U2AF1L4: variants seen among roughly 807,000 people sequenced by gnomAD.
U2AF1L4 encodes the protein U2 small nuclear RNA auxiliary factor 1 like 4.
In U2AF1L4, 21 loss-of-function variants were observed where a neutral mutation model predicts 21.7. The observed-to-expected ratio is 0.97, with a 90% confidence interval of 0.69 to 1.39. The LOEUF (loss-of-function observed/expected upper bound fraction) is 1.39. Among genes scored for constraint, U2AF1L4 ranks in the 40% most tolerant of loss-of-function variants. The pLI is 0.00. For synonymous variants in U2AF1L4, 92 were observed against 89.7 expected, an observed-to-expected ratio of 1.03 and a Z score of -0.15; for missense variants, 259 against 245.7, an observed-to-expected ratio of 1.05 and a Z score of -0.36.
intron 5 of U2AF1L4, chr19:35,743,074 A>T (rs928436024): frequency 7.5e-6 from 4 of 533,196 alleles, no homozygotes; most frequent in Non-Finnish European, 1.3e-5. Context: ...CTCTTAGGGT[A>T]TAAGAGTCTT....
intron 5 of U2AF1L4, 71 bp from the exon 6 acceptor site, chr19:35,742,874 C>G: frequency 7.0e-7 from 1 of 1,418,860 alleles, no homozygotes; most frequent in Non-Finnish European, 9.8e-7. Context: ...AGGCCTGCCT[C>G]TCTGCTCTGG....
In U2AF1L4 at chr19:35,744,349, G is replaced by T; in HGVS notation, c.205C>A (p.His69Asn). The T allele has an allele frequency of 6.2e-7, 1 of 1,614,072 alleles. No homozygotes were observed. ...TTGACATAGACGTTGCCCACGAGGTGGTCCCCAAGGTTGTCGCACACATTC... is the reference window on the plus strand; with the variant it reads ...TTGACATAGACGTTGCCCACGAGGTTGTCCCCAAGGTTGTCGCACACATTC... ...EMNVCDNLGD[H>N]LVGNVYVKFR... The change falls in exon 3 of 6, where the codon CAC (histidine) becomes AAC (asparagine). Residue 69 changes from histidine to asparagine, a missense_variant. Coordinates refer to ENST00000378975, the MANE Select transcript of U2AF1L4 (RefSeq NM_001040425.3).
chr19:35,743,039 G>A, intron 5 of U2AF1L4: 1 of 588,386 alleles, frequency 1.7e-6, no homozygotes, highest in Non-Finnish European at 3.0e-6. Context: ...CTTAGGTACT[G>A]GTCTCCAGAT....
At position 35,742,548 on chromosome 19, in the gene U2AF1L4, C is replaced by T. The variant is rs1175082175; in HGVS notation, c.*171G>A. The T allele has an allele frequency of 6.2e-7, 1 of 1,612,532 alleles. No homozygotes were observed. On this transcript the variant is annotated 3_prime_UTR_variant, in exon 6 of 6. Coordinates refer to ENST00000378975, the MANE Select transcript of U2AF1L4 (RefSeq NM_001040425.3). ...CAAGTTGATGCCGAAGTGAAACACG[C>T]AGCTTTATTAAGACAGGGGCGGTAG...
At chr19:35,744,761 A>G (rs1456227768) in intron 2 of U2AF1L4, 1 of 1,524,100 alleles carries the variant, frequency 6.6e-7, no homozygotes, top group African/African-American at 1.4e-5. Flanking sequence ...AGAGTGAGGC[A>G]TGAAGGTTGG....
chr19:35,743,373 C>CA (rs536755635), intron 5 of U2AF1L4: 1,465 of 78,182 alleles, frequency 0.019, 185 homozygotes, highest in Non-Finnish European at 0.029. Flanking sequence ...AACTCCGTCT[C>CA]AAAAAAAAAA....
Position 35,742,571 on chromosome 19 carries a change from TAGA to T in U2AF1L4, c.*145_*147del, listed in dbSNP as rs1194911030. 3 of 1,613,308 alleles carry T rather than the reference TAGA, an allele frequency of 1.9e-6. No individual in the cohort carries two copies. The highest frequency in any genetic ancestry group is 2.5e-6 in the Non-Finnish European group (3 of 1,179,876). Reference sequence around the variant, plus strand: ...CGCAGCTTTATTAAGACAGGGGCGGTAGAAGAAGGTCTCCATGCTGAACAGATT... The same window carrying T: ...CGCAGCTTTATTAAGACAGGGGCGGTAGAAGGTCTCCATGCTGAACAGATT... On this transcript the variant is annotated 3_prime_UTR_variant, in exon 6 of 6. Transcript: ENST00000378975.
At chr19:35,744,953 A>G in intron 2 of U2AF1L4, 172 bp downstream of exon 2, 1 of 764,012 alleles carries the variant, frequency 1.3e-6, no homozygotes. Flanking sequence ...AGTTCCCGGG[A>G]AAACGGCACG....
chr19:35,745,312 A>AC, intron 1 of U2AF1L4, 36 bp downstream of exon 1: 1 of 1,465,776 alleles, frequency 6.8e-7, no homozygotes, highest in African/African-American at 1.4e-5. Context: ...CCCGGCCCCG[A>AC]CCCCCCGAGA....
chr19:35,743,888 CA>C lies in U2AF1L4; in HGVS notation c.381del (p.Gly128AlafsTer95), dbSNP rs765308474. ...CGCAGATGCATGAAGTTGCAGAAGCCACCTCGGGTACATTCCCTGCATAGAG... is the reference window on the plus strand; with the variant it reads ...CGCAGATGCATGAAGTTGCAGAAGCCCCTCGGGTACATTCCCTGCATAGAG... ...RQYEMGECTR[G>X]GFCNFMHLRP... On this transcript the variant is annotated frameshift_variant, in exon 5 of 6. Transcript: ENST00000378975. LOFTEE classifies it high-confidence loss of function. 1.9e-5 allele frequency: 31 copies of C among 1,613,474 alleles called. No individual in the cohort carries two copies. The highest frequency in any genetic ancestry group is 2.6e-5 in the Non-Finnish European group (31 of 1,179,858).
rs528079808 is a variant in U2AF1L4 at position 35,745,073 on chromosome 19, A to C, written c.132+52T>G. 30 of 1,551,536 alleles carry C rather than the reference A, an allele frequency of 1.9e-5. No homozygotes were observed. The South Asian group carries it at 3.0e-4, about 16-fold the overall frequency. On this transcript the variant is annotated intron_variant, in intron 2 of 5. Coordinates refer to ENST00000378975, the MANE Select transcript of U2AF1L4 (RefSeq NM_001040425.3). ...GGGACATGGTGACGACGGCCCCAGA[A>C]GGGGAAGGGCCAGGGAGCCGTTAAC...
In U2AF1L4 at chr19:35,743,373, CAAAAAAAAAAAAA is replaced by C. The variant is rs536755635; in HGVS notation, c.461+423_461+435del. 9.1e-3 allele frequency: 715 copies of C among 78,172 alleles called. 1 individual carries two copies. Among genetic ancestry groups the C allele is most frequent in the Middle Eastern group, 0.038 (4 of 104 alleles). 4.8% of individuals were successfully genotyped at this position (78,172 alleles called of 1,614,324 possible). A position where few individuals can be genotyped will look rare whatever the true frequency, so the allele number is the denominator to read the frequency against. ...GCGGAAGAAGAGCAAAACTCCGTCT[CAAAAAAAAAAAAA>C]AAAAAAAAAAAAAAAAACAGTCAGC... On this transcript the variant is annotated intron_variant, in intron 5 of 5. Coordinates refer to ENST00000378975, the MANE Select transcript of U2AF1L4 (RefSeq NM_001040425.3).
chr19:35,744,194 G>C (rs1306507212), intron 3 of U2AF1L4, 49 bp from the exon 4 acceptor site: 1 of 1,608,620 alleles, frequency 6.2e-7, no homozygotes, highest in East Asian at 2.2e-5. Context: ...GAGATCTTCA[G>C]GGGACTCACT....
chr19:35,744,958 G>A (rs543272344), intron 2 of U2AF1L4, 167 bp downstream of exon 2: 29 of 766,416 alleles, frequency 3.8e-5, no homozygotes, highest in Admixed American at 2.8e-5. Context: ...CCGGGAAAAC[G>A]GCACGAAGAC....
Position 35,744,050 on chromosome 19 carries a change from A to C in U2AF1L4, c.327T>G (p.Thr109=). Residue 109 remains threonine (T), a synonymous_variant, in exon 4 of 6, where the codon ACT becomes ACG. Transcript: ENST00000378975. The part of the protein sequence containing the change: ...QAVHGELSPV[T]DFRESCCRQY... ...GGCGACAGCATGACTCCCGGAAGTC[A>C]GTGACAGGAGACAGCTCACCGTGCA... 6.2e-7 allele frequency: 1 copy of C among 1,614,048 alleles called. No individual in the cohort carries two copies. The highest frequency in any genetic ancestry group is 8.5e-7 in the Non-Finnish European group (1 of 1,180,040).
chr19:35,744,761 A>T, intron 2 of U2AF1L4: 1 of 1,524,218 alleles, frequency 6.6e-7, no homozygotes, highest in Non-Finnish European at 8.8e-7. Flanking sequence ...AGAGTGAGGC[A>T]TGAAGGTTGG....
chr19:35,743,373 CAAAAAAA>C (rs536755635), intron 5 of U2AF1L4: 17 of 78,264 alleles, frequency 2.2e-4, no homozygotes, highest in Non-Finnish European at 2.7e-4. Context: ...AACTCCGTCT[CAAAAAAA>C]AAAAAAAAAA....
rs757670106 is a variant in U2AF1L4 at position 35,744,172 on chromosome 19, CAGG to C, written c.232-30_232-28del. On this transcript the variant is annotated intron_variant, in intron 3 of 5. Coordinates refer to ENST00000378975, the MANE Select transcript of U2AF1L4 (RefSeq NM_001040425.3). ...TGCAGGAAATGTCAGTCAGGGTCAG[CAGG>C]AGAACTCAGAGATCTTCAGGGGACT... 8.7e-6 allele frequency: 14 copies of C among 1,611,308 alleles called. No homozygotes were observed. In the South Asian group the frequency reaches 1.3e-4, roughly 15 times the overall value.
intron 5 of U2AF1L4, chr19:35,743,373 CAAAAAAAAAAAAAAAAAA>C: frequency 1.3e-5 from 1 of 75,390 alleles, no homozygotes. Flanking sequence ...AACTCCGTCT[CAAAAAAAAAAAAAAAAAA>C]AAAAAAAAAA....
Sources: gnomAD v4.1 joint callset for allele counts on GRCh38, gnomAD v4.1.1 for gene constraint, MANE v1.5 for transcripts, NCBI Gene and HGNC (gene_info 2026-07-23, HGNC 2026-07-21) for gene names.